The following BFSP2 variants were observed in gnomAD, a reference collection of about 807,000 sequenced individuals.
The protein encoded by BFSP2 is phakinin.
Under a neutral mutation model 44.9 loss-of-function variants are expected in BFSP2, and 38 were observed. That is an observed-to-expected ratio of 0.85 (90% CI 0.65 to 1.11). The LOEUF is 1.11. BFSP2 is among the 50% of genes least tolerant of loss of function. The pLI is 0.00. For synonymous variants in BFSP2, 197 were observed against 209.9 expected (o/e 0.94, Z 0.53); for missense variants, 525 against 533.0 (o/e 0.99, Z 0.15).
intron 1 of BFSP2, among the ~76,000 whole-genome samples, chr3:133,424,878 G>A (rs780352691): frequency 1.7e-4 from 26 of 152,044 alleles, no homozygotes; most frequent in African/African-American, 3.9e-4. Flanking sequence ...CAGGTGATCC[G>A]CTAGGCTCAG....
chr3:133,401,651 TCTC>T (rs1359947937), intron 1 of BFSP2, among the ~76,000 whole-genome samples: 3 of 152,136 alleles, frequency 2.0e-5, no homozygotes, highest in African/African-American at 4.8e-5. Flanking sequence ...TGGCTTCACC[TCTC>T]CTCCTCCTCT....
intron 1 of BFSP2, among the ~76,000 whole-genome samples, chr3:133,417,375 CTCTCCCCTCTACGTACCCCTGCCA>C (rs2073547535): frequency 7.9e-6 from 1 of 127,014 alleles, no homozygotes; most frequent in Non-Finnish European, 1.7e-5. Context: ...TCACCCTGCC[CTCTCCCCTCTACGTACCCCTGCCA>C]TCTCCCCTCT....
Position 133,410,844 on chromosome 3 carries a change from C to A in BFSP2, c.489+10272C>A. On this transcript the variant is annotated intron_variant, in intron 1 of 6. Transcript: ENST00000302334. ...ACCTTTCTAACCGCTGGACCTAAGT[C>A]ACACATTCAGAGCTTTTAATATTGT... 5 of 169,106 alleles carry A rather than the reference C, an allele frequency of 3.0e-5. No individual in the cohort carries two copies. The South Asian group carries it at 8.6e-4, about 29-fold the overall frequency. 10.5% of individuals were successfully genotyped at this position (169,106 alleles called of 1,614,324 possible). A position where few individuals can be genotyped will look rare whatever the true frequency, so the allele number is the denominator to read the frequency against.
chr3:133,416,342 C>T (rs568928166), intron 1 of BFSP2, among the ~76,000 whole-genome samples: 4 of 146,106 alleles, frequency 2.7e-5, no homozygotes, highest in South Asian at 4.5e-4. Flanking sequence ...CCCTTCTCCT[C>T]ACCCCTGTCC....
intron 1 of BFSP2, among the ~76,000 whole-genome samples, chr3:133,423,300 G>A (rs1281584118): frequency 1.3e-5 from 2 of 152,114 alleles, no homozygotes; most frequent in Admixed American, 6.5e-5. Flanking sequence ...TGTGACCCAA[G>A]GCAAATCGCT....
intron 3 of BFSP2, among the ~76,000 whole-genome samples, chr3:133,450,016 AGGAGGGAGGGAGGGGGAG>A (rs2073945434): frequency 2.1e-5 from 2 of 93,194 alleles, no homozygotes; most frequent in African/African-American, 8.9e-5. Context: ...GAAGGAAGGA[AGGAGGGAGGGAGGGGGAG>A]GGAAGGAGGG....
intron 1 of BFSP2, among the ~76,000 whole-genome samples, chr3:133,428,117 A>G (rs540887476): frequency 7.5e-4 from 114 of 152,304 alleles, no homozygotes; most frequent in African/African-American, 2.6e-3. Flanking sequence ...AGCTCAAAAC[A>G]GTTTGACCTT....
Position 133,460,977 on chromosome 3 carries a change from T to A in BFSP2, c.892-5851T>A, listed in dbSNP as rs576947717. 7.9e-5 allele frequency among the ~76,000 whole-genome samples: 12 copies of A among 152,350 alleles called. No homozygotes were observed. In the South Asian group the frequency reaches 1.0e-3, roughly 13 times the overall value. ...GAGGCAGACAGCTCATCTGGATACA[T>A]GATCTGCTGAGAATGCACTTGCAAT... On this transcript the variant is annotated intron_variant, in intron 4 of 6. Coordinates refer to ENST00000302334, the MANE Select transcript of BFSP2 (RefSeq NM_003571.4).
At chr3:133,418,790 CCA>C (rs1285304327) in intron 1 of BFSP2, among the ~76,000 whole-genome samples, 1 of 152,212 alleles carries the variant, frequency 6.6e-6, no homozygotes, top group East Asian at 1.9e-4. Flanking sequence ...ATAAAACCAT[CCA>C]CAGTCTTCAC....
chr3:133,424,032 T>C (rs2107896485), intron 1 of BFSP2, among the ~76,000 whole-genome samples: 1 of 147,470 alleles, frequency 6.8e-6, no homozygotes, highest in South Asian at 2.2e-4. Flanking sequence ...GTTTCTATTC[T>C]CTTCTGCTTT....
At position 133,419,704 on chromosome 3, in the gene BFSP2, G is replaced by A. The variant is rs550568536; in HGVS notation, c.489+19132G>A. Among the ~76,000 whole-genome samples, 35 of 152,354 alleles carry A rather than the reference G, an allele frequency of 2.3e-4. 1 individual carries two copies. Among genetic ancestry groups the A allele is most frequent in the African/African-American group, 7.9e-4 (33 of 41,576 alleles). On this transcript the variant is annotated intron_variant, in intron 1 of 6. Coordinates refer to ENST00000302334, the MANE Select transcript of BFSP2 (RefSeq NM_003571.4). Reference sequence around the variant, plus strand: ...GGACGCATGAGGCTGGGCGGCTTCCGACCCATCAGATGGCTCAGAACTGAG... The same window carrying A: ...GGACGCATGAGGCTGGGCGGCTTCCAACCCATCAGATGGCTCAGAACTGAG...
At chr3:133,404,745 G>A (rs1163123120) in intron 1 of BFSP2, 4 of 152,160 alleles carry the variant, frequency 2.6e-5, no homozygotes, top group African/African-American at 9.7e-5. Flanking sequence ...TGAACATGGG[G>A]CCCCACATTT....
At chr3:133,410,826 T>C (rs1012987414) in intron 1 of BFSP2, 6 of 179,204 alleles carry the variant, frequency 3.3e-5, no homozygotes, top group Middle Eastern at 2.7e-3. Context: ...AATACCTTTC[T>C]AACCGCTGGA....
chr3:133,417,098 C>T (rs1412990247), intron 1 of BFSP2, among the ~76,000 whole-genome samples: 3 of 148,236 alleles, frequency 2.0e-5, no homozygotes, highest in African/African-American at 5.0e-5. Context: ...TGCCCTCTCC[C>T]CTCTACTCAC....
chr3:133,471,407 A>C (rs2074160396), intron 5 of BFSP2, among the ~76,000 whole-genome samples: 1 of 152,192 alleles, frequency 6.6e-6, no homozygotes, highest in Non-Finnish European at 1.5e-5. Context: ...AAGGAAGGAA[A>C]GCAGGAACAC....
chr3:133,473,578 T>C (rs1273275347), intron 6 of BFSP2, among the ~76,000 whole-genome samples: 4 of 151,236 alleles, frequency 2.6e-5, no homozygotes, highest in African/African-American at 7.3e-5. Context: ...CAAAGGTCTC[T>C]GGTTTTCCTA....
intron 1 of BFSP2, chr3:133,410,408 T>C: frequency 3.2e-6 from 1 of 309,440 alleles, no homozygotes; most frequent in Non-Finnish European, 6.3e-6. Context: ...AATGTCAGCA[T>C]GGATCACAGC....
chr3:133,419,310 A>G (rs1260422001), intron 1 of BFSP2, among the ~76,000 whole-genome samples: 1 of 152,188 alleles, frequency 6.6e-6, no homozygotes, highest in Admixed American at 6.5e-5. Flanking sequence ...GAAGGACACG[A>G]TTCAGCCCGT....
rs2073356059 is a variant in BFSP2, at chr3:133,400,667, A to G, written c.489+95A>G. 6.6e-7 allele frequency: 1 copy of G among 1,514,408 alleles called. No individual in the cohort carries two copies. The allele number at this position is 1,514,408 out of a possible 1,614,324, so 93.8% of individuals were successfully genotyped here. A position where few individuals can be genotyped will look rare whatever the true frequency, so the allele number is the denominator to read the frequency against. The stretch of plus-strand genomic sequence containing the variant: ...TTGTGAGTAGGCTGAGGCCAGAGAA[A>G]CTGACCATAATCCCCTACACTTTCA... On this transcript the variant is annotated intron_variant, in intron 1 of 6. Transcript: ENST00000302334. The surrounding 1 kb of genome is among the most constrained non-coding windows in gnomAD (Gnocchi z 4.0).
Sources: gnomAD v4.1 joint callset for allele counts (sites outside exome capture counted in the v4.1 genomes callset) on GRCh38, gnomAD v4.1.1 for gene constraint, Gnocchi (gnomAD v3.1) non-coding constraint, MANE v1.5 for transcripts, NCBI Gene and HGNC (gene_info 2026-07-23, HGNC 2026-07-21) for gene names.